The following UBE3B variants were observed in gnomAD, a reference collection of about 807,000 sequenced individuals.
The protein encoded by UBE3B is ubiquitin-protein ligase E3B.
A neutral mutation model predicts 132.3 loss-of-function variants in UBE3B; 80 were observed. The ratio of observed to expected loss-of-function variants is 0.60; its 90% CI spans 0.50 to 0.73. The LOEUF (loss-of-function observed/expected upper bound fraction) is 0.73, where lower values mean the gene tolerates loss of function less well. Ranked by LOEUF, UBE3B falls within the 30% of genes least tolerant of loss-of-function variation. UBE3B has a pLI of 0.00. For missense variants in UBE3B, 1,196 were observed against 1,362.5 expected, an observed-to-expected ratio of 0.88 and a Z score of 1.92; for synonymous variants, 487 against 520.4, an observed-to-expected ratio of 0.94 and a Z score of 0.87.
At chr12:109,489,807 G>T in intron 7 of UBE3B, 112 bp from the exon 8 acceptor site, 1 of 976,502 alleles carries the variant, frequency 1.0e-6, no homozygotes. Flanking sequence ...AGGCAAGCCA[G>T]GGGGTATCTC....
downstream of UBE3B, among the ~76,000 whole-genome samples, chr12:109,540,948 G>A (rs889891294): frequency 4.6e-5 from 7 of 152,206 alleles, no homozygotes; most frequent in East Asian, 1.9e-4. Flanking sequence ...TGCGGTGGGC[G>A]GGAGCTGAGG....
Position 109,534,902 on chromosome 12 carries a change from C to A in UBE3B, c.*120C>A. On this transcript the variant is annotated 3_prime_UTR_variant, in exon 28 of 28. Coordinates refer to ENST00000342494, the MANE Select transcript of UBE3B (RefSeq NM_130466.4). The surrounding 1 kb of genome is among the most constrained non-coding windows in gnomAD (Gnocchi z 5.2). ...GGTGACATTGGCCCCTAGACCCTCT[C>A]TATAGCCATGAGACTCCTTGTGGCC... is the stretch of plus-strand genomic sequence containing the variant. 1 of 817,808 alleles carries A rather than the reference C, an allele frequency of 1.2e-6. No homozygotes were observed. The highest frequency in any genetic ancestry group is 3.1e-5 in the East Asian group (1 of 32,562). The allele number at this position is 817,808 out of a possible 1,614,324, so 50.7% of individuals were successfully genotyped here.
rs1317278235 is a variant in UBE3B, at chr12:109,517,894, G to A, written c.2076+1010G>A. On this transcript the variant is annotated intron_variant, in intron 19 of 27. Coordinates refer to ENST00000342494, the MANE Select transcript of UBE3B (RefSeq NM_130466.4). Reference sequence around the variant, plus strand: ...TTTCTCCCTCGGTGCATCGTACCTTGTTTGTGTCACTCCTTACTGGAGAGC... The same window carrying A: ...TTTCTCCCTCGGTGCATCGTACCTTATTTGTGTCACTCCTTACTGGAGAGC... 6.9e-6 allele frequency: 3 copies of A among 436,328 alleles called. 1 individual carries two copies. The Admixed American group carries it at 7.3e-5, about 11-fold the overall frequency. The allele number at this position is 436,328 out of a possible 1,614,324, so 27.0% of individuals were successfully genotyped here.
At chr12:109,499,089 C>A (rs955810341) in intron 11 of UBE3B, among the ~76,000 whole-genome samples, 3 of 152,240 alleles carry the variant, frequency 2.0e-5, no homozygotes, top group South Asian at 4.1e-4. Context: ...TGCGAGATTA[C>A]AGACTTGAGA....
At chr12:109,519,241 C>T (rs146992000) in intron 19 of UBE3B, among the ~76,000 whole-genome samples, 99 of 152,356 alleles carry the variant, frequency 6.5e-4, no homozygotes, top group Non-Finnish European at 1.0e-3. Flanking sequence ...GGAAGCCAGG[C>T]ATCCCTTTTC....
At chr12:109,498,100 T>C in intron 10 of UBE3B, 133 bp from the exon 11 acceptor site, 1 of 1,411,862 alleles carries the variant, frequency 7.1e-7, no homozygotes, top group Non-Finnish European at 9.7e-7. Flanking sequence ...TGGGTTCTTG[T>C]CTGTCCATTT....
At chr12:109,541,017 G>A (rs1414427453), downstream of UBE3B, among the ~76,000 whole-genome samples, 3 of 152,216 alleles carry the variant, frequency 2.0e-5, no homozygotes, top group Admixed American at 6.5e-5. Flanking sequence ...TGGCTCCAGC[G>A]TCCCCATGAA....
At chr12:109,519,287 C>G (rs1359285337) in intron 19 of UBE3B, among the ~76,000 whole-genome samples, 1 of 152,202 alleles carries the variant, frequency 6.6e-6, no homozygotes, top group African/African-American at 2.4e-5. Context: ...TGTTGAGATG[C>G]AGTGAAGAAG....
At chr12:109,541,436 T>TA (rs1883609409), downstream of UBE3B, among the ~76,000 whole-genome samples, 1 of 152,184 alleles carries the variant, frequency 6.6e-6, no homozygotes, top group Non-Finnish European at 1.5e-5. Flanking sequence ...AAGTAGTGAA[T>TA]AACAGTTCCT....
chr12:109,516,167 C>CTTT (rs59084691), intron 18 of UBE3B, among the ~76,000 whole-genome samples: 61 of 91,116 alleles, frequency 6.7e-4, no homozygotes, highest in East Asian at 9.5e-4. Flanking sequence ...TCTTTTTTTT[C>CTTT]TTTTTTTTTT....
chr12:109,493,757 A>G (rs989199166), intron 9 of UBE3B, among the ~76,000 whole-genome samples: 9 of 152,238 alleles, frequency 5.9e-5, no homozygotes, highest in African/African-American at 2.2e-4. Flanking sequence ...GCTAACATTC[A>G]TGGGCCACAC....
intron 14 of UBE3B, among the ~76,000 whole-genome samples, chr12:109,504,996 A>G (rs1430729998): frequency 6.6e-6 from 1 of 151,224 alleles, no homozygotes; most frequent in Non-Finnish European, 1.5e-5. Context: ...TTTTTAGTTG[A>G]GACGGGGTTT....
At chr12:109,516,980 G>A in intron 19 of UBE3B, 96 bp downstream of exon 19, 1 of 1,492,718 alleles carries the variant, frequency 6.7e-7, no homozygotes, top group Non-Finnish European at 8.9e-7. Context: ...AACTGTTCCT[G>A]TTACTCCTTG....
chr12:109,524,231 GC>G, intron 22 of UBE3B, 116 bp downstream of exon 22: 1 of 1,449,062 alleles, frequency 6.9e-7, no homozygotes, highest in Non-Finnish European at 9.4e-7. Context: ...GCTGCTACAG[GC>G]CCCTCACATC....
chr12:109,505,350 T>G (rs965963201), intron 14 of UBE3B, among the ~76,000 whole-genome samples: 1 of 152,236 alleles, frequency 6.6e-6, no homozygotes, highest in African/African-American at 2.4e-5. Flanking sequence ...TGTCTCCATC[T>G]CTGTCTAAAT....
rs888202092 is a variant in UBE3B at position 109,477,658 on chromosome 12, T to C, written c.-579T>C. ...CGAACACCGCGGGGCAAGATGGCGG[T>C]AGTGCGTCGGCTGCTGCCCCGGGTC... is the stretch of plus-strand genomic sequence containing the variant. On this transcript the variant is annotated 5_prime_UTR_variant, in exon 1 of 28. Coordinates refer to ENST00000342494, the MANE Select transcript of UBE3B (RefSeq NM_130466.4). 4.6e-6 allele frequency: 1 copy of C among 217,594 alleles called. No homozygotes were observed. Among genetic ancestry groups the C allele is most frequent in the African/African-American group, 2.3e-5 (1 of 43,148 alleles). The allele number at this position is 217,594 out of a possible 1,614,324, so 13.5% of individuals were successfully genotyped here. A position where few individuals can be genotyped will look rare whatever the true frequency, so the allele number is the denominator to read the frequency against.
intron 17 of UBE3B, 45 bp downstream of exon 17, chr12:109,510,503 C>T (rs1415271659): frequency 3.3e-6 from 5 of 1,494,334 alleles, no homozygotes; most frequent in Non-Finnish European, 4.6e-6. Context: ...CCAGCCTGCT[C>T]CGGCACGCTG....
chr12:109,501,672 G>A (rs1161832130), intron 13 of UBE3B, 138 bp downstream of exon 13: 2 of 1,106,352 alleles, frequency 1.8e-6, no homozygotes, highest in African/African-American at 3.2e-5. Flanking sequence ...TGTTGTTAGA[G>A]ACAGAGTCTC....
chr12:109,539,927 T>C (rs1376142110), downstream of UBE3B, among the ~76,000 whole-genome samples: 1 of 151,874 alleles, frequency 6.6e-6, no homozygotes, highest in Non-Finnish European at 1.5e-5. Flanking sequence ...TCCAAGTGTT[T>C]TCTGAGCTGT....
Sources: allele counts gnomAD v4.1 joint callset (sites outside exome capture counted in the v4.1 genomes callset), GRCh38; gene constraint gnomAD v4.1.1; non-coding constraint Gnocchi (gnomAD v3.1); transcripts MANE v1.5; gene names NCBI Gene and HGNC (gene_info 2026-07-23, HGNC 2026-07-21).